MACROD1: variants seen among roughly 807,000 people sequenced by gnomAD.
The protein encoded by MACROD1 is ADP-ribose glycohydrolase MACROD1.
MACROD1 carries 31 observed loss-of-function variants against 41.4 expected under a neutral mutation model. That is an observed-to-expected ratio of 0.75 (90% CI 0.56 to 1.01). The LOEUF (loss-of-function observed/expected upper bound fraction) is 1.01. Ranked by LOEUF, MACROD1 falls within the 50% of genes least tolerant of loss-of-function variation. The pLI, the probability that MACROD1 is intolerant of heterozygous loss-of-function variation, is 0.00. For missense variants in MACROD1, 473 were observed against 460.0 expected, an observed-to-expected ratio of 1.03 and a Z score of -0.26; for synonymous variants, 252 against 203.4, an observed-to-expected ratio of 1.24 and a Z score of -2.03.
intron 3 of MACROD1, among the ~76,000 whole-genome samples, chr11:64,105,477 T>C (rs1305852137): frequency 6.6e-6 from 1 of 152,206 alleles, no homozygotes; most frequent in African/African-American, 2.4e-5. Context: ...CCCCTCCCTG[T>C]ATGCCTCCCC....
intron 3 of MACROD1, chr11:64,086,896 C>T (rs964721268): frequency 1.3e-5 from 2 of 152,190 alleles, no homozygotes; most frequent in African/African-American, 4.8e-5. Flanking sequence ...GCCCGCTAGC[C>T]CTTCCCTGTC....
intron 2 of MACROD1, 147 bp downstream of exon 2, chr11:64,152,145 A>G: frequency 1.5e-6 from 1 of 654,972 alleles, no homozygotes; most frequent in Non-Finnish European, 2.7e-6. Flanking sequence ...ATAAAATAAA[A>G]TAATTGAATG....
chr11:64,050,686 A>C (rs1392563831), intron 3 of MACROD1, among the ~76,000 whole-genome samples: 6 of 152,152 alleles, frequency 3.9e-5, no homozygotes, highest in Admixed American at 6.5e-5. Flanking sequence ...TGGCGCGATC[A>C]TGGCTCACTG....
chr11:64,054,203 G>A (rs895589845), intron 3 of MACROD1, among the ~76,000 whole-genome samples: 6 of 152,200 alleles, frequency 3.9e-5, no homozygotes, highest in East Asian at 1.9e-4. Context: ...CCCTGGGGAC[G>A]TCTTTAGGTC....
chr11:64,040,872 C>A (rs2134386350), intron 3 of MACROD1, among the ~76,000 whole-genome samples: 1 of 152,164 alleles, frequency 6.6e-6, no homozygotes, highest in African/African-American at 2.4e-5. Context: ...GACACTGCCT[C>A]CCAGGCAGAC....
At chr11:64,072,331 C>A (rs1010470899) in intron 3 of MACROD1, among the ~76,000 whole-genome samples, 1 of 152,086 alleles carries the variant, frequency 6.6e-6, no homozygotes, top group East Asian at 1.9e-4. Context: ...CCAGGGCGAG[C>A]CTTTGGGGGT....
chr11:64,116,790 G>A lies in MACROD1; in HGVS notation c.517+34449C>T, dbSNP rs148012979. 192 of 1,613,376 alleles carry A rather than the reference G, an allele frequency of 1.2e-4. No homozygotes were observed. The highest frequency in any genetic ancestry group is 1.5e-4 in the Non-Finnish European group (178 of 1,180,040). On this transcript the variant is annotated intron_variant, in intron 3 of 10. Transcript: ENST00000255681. Reference sequence around the variant, plus strand: ...CAGCATTGAGGAGGACGCCTTCGCCGACAGCAAACAGCTCAAGCTGCTCTT... The same window carrying A: ...CAGCATTGAGGAGGACGCCTTCGCCAACAGCAAACAGCTCAAGCTGCTCTT...
At chr11:64,015,705 C>T (rs1943071959) in intron 3 of MACROD1, among the ~76,000 whole-genome samples, 1 of 152,188 alleles carries the variant, frequency 6.6e-6, no homozygotes. Context: ...CAGCTTCCGG[C>T]AGGGCATAGC....
intron 3 of MACROD1, among the ~76,000 whole-genome samples, chr11:64,076,108 C>G (rs949608132): frequency 6.6e-6 from 1 of 152,230 alleles, no homozygotes; most frequent in Non-Finnish European, 1.5e-5. Context: ...CTCCCTCAAG[C>G]ACAGGCTGGC....
chr11:64,133,793 G>C (rs1285555950), intron 3 of MACROD1, among the ~76,000 whole-genome samples: 2 of 152,182 alleles, frequency 1.3e-5, no homozygotes, highest in Non-Finnish European at 2.9e-5. Context: ...CATCTCCCTT[G>C]TTCCCCCTTG....
chr11:64,054,597 G>A (rs551869038), intron 3 of MACROD1, among the ~76,000 whole-genome samples: 45 of 152,276 alleles, frequency 3.0e-4, no homozygotes, highest in African/African-American at 1.1e-3. Flanking sequence ...ACCAGGGCAA[G>A]CCACGGTTCC....
Position 64,146,415 on chromosome 11 carries a change from T to G in MACROD1, c.517+4824A>C, listed in dbSNP as rs1213121707. On this transcript the variant is annotated intron_variant, in intron 3 of 10. Coordinates refer to ENST00000255681, the MANE Select transcript of MACROD1 (RefSeq NM_014067.4). The surrounding 1 kb of genome is among the most constrained non-coding windows in gnomAD (Gnocchi z 4.7). ...ATCTCCTGCACATGGCAGCCCAATT[T>G]CATTAAGACGGATGCGCCATGCTCC... 6.6e-6 allele frequency among the ~76,000 whole-genome samples: 1 copy of G among 152,130 alleles called. No individual in the cohort carries two copies. The highest frequency in any genetic ancestry group is 1.5e-5 in the Non-Finnish European group (1 of 68,000).
chr11:63,998,888 CAG>C lies in MACROD1; in HGVS notation c.974-18_974-17del. On this transcript the variant is annotated splice_polypyrimidine_tract_variant and intron_variant, in intron 9 of 10. Coordinates refer to ENST00000255681, the MANE Select transcript of MACROD1 (RefSeq NM_014067.4). ...GAGCCTCAGGCTGGAAGGCAGAGGA[CAG>C]TGAGAGCCCGCCCCCAGGGTGGACC... 1 of 1,595,616 alleles carries C rather than the reference CAG, an allele frequency of 6.3e-7. No individual in the cohort carries two copies. The highest frequency in any genetic ancestry group is 1.1e-5 in the South Asian group (1 of 88,992).
intron 3 of MACROD1, among the ~76,000 whole-genome samples, chr11:64,087,952 C>T (rs1944423458): frequency 6.6e-6 from 1 of 152,146 alleles, no homozygotes; most frequent in African/African-American, 2.4e-5. Context: ...GGAGGCCGGG[C>T]CTCCTCAGCT....
At chr11:64,163,546 T>C (rs1490784623) in intron 1 of MACROD1, among the ~76,000 whole-genome samples, 6 of 152,164 alleles carry the variant, frequency 3.9e-5, no homozygotes, top group Non-Finnish European at 7.3e-5. Flanking sequence ...TTAGGACATC[T>C]ATCCCATGTG....
At chr11:64,136,365 T>C (rs1357171320) in intron 3 of MACROD1, among the ~76,000 whole-genome samples, 3 of 152,246 alleles carry the variant, frequency 2.0e-5, no homozygotes, top group African/African-American at 2.4e-5. Context: ...ATGGTCTCTA[T>C]AGCATAGCTT....
At chr11:64,108,508 CCT>C (rs1474618742) in intron 3 of MACROD1, among the ~76,000 whole-genome samples, 4 of 152,290 alleles carry the variant, frequency 2.6e-5, no homozygotes, top group African/African-American at 9.6e-5. Context: ...GGCCCTCTTC[CCT>C]CTGTCTTATT....
chr11:64,137,394 T>C (rs183659732), intron 3 of MACROD1, among the ~76,000 whole-genome samples: 1 of 151,948 alleles, frequency 6.6e-6, no homozygotes, highest in East Asian at 1.9e-4. Context: ...GTGAGGATAC[T>C]AGAGAGGAAA....
intron 4 of MACROD1, among the ~76,000 whole-genome samples, chr11:64,007,133 C>T (rs1261338918): frequency 3.3e-5 from 5 of 152,240 alleles, no homozygotes; most frequent in African/African-American, 1.2e-4. Flanking sequence ...GATGAATTCA[C>T]TGCCTCCCGC....
Sources: allele counts gnomAD v4.1 joint callset (sites outside exome capture counted in the v4.1 genomes callset), GRCh38; gene constraint gnomAD v4.1.1; non-coding constraint Gnocchi (gnomAD v3.1); transcripts MANE v1.5; gene names NCBI Gene and HGNC (gene_info 2026-07-23, HGNC 2026-07-21).